The following FAM98B variants were observed in gnomAD, a reference collection of about 807,000 sequenced individuals.
FAM98B encodes tRNA-splicing ligase complex subunit FAM98B.
In FAM98B, 32 loss-of-function variants were observed where a neutral mutation model predicts 43.9. The ratio of observed to expected loss-of-function variants is 0.73; its 90% CI spans 0.55 to 0.98. The LOEUF is 0.98. Ranked by LOEUF, FAM98B falls within the 50% of genes least tolerant of loss-of-function variation. The pLI, the probability that FAM98B is intolerant of heterozygous loss-of-function variation, is 0.00. For missense variants in FAM98B, 514 were observed against 522.9 expected (o/e 0.98, Z 0.17); for synonymous variants, 190 against 174.0 (o/e 1.09, Z -0.72).
intron 6 of FAM98B, among the ~76,000 whole-genome samples, chr15:38,476,703 C>CTT (rs375386545): frequency 0.012 from 1,591 of 127,798 alleles, 18 homozygotes; most frequent in Non-Finnish European, 0.02. Flanking sequence ...AGAAACTTTG[C>CTT]TTTTTTTTTT....
intron 3 of FAM98B, among the ~76,000 whole-genome samples, chr15:38,466,264 T>C (rs538378262): frequency 1.3e-5 from 2 of 151,908 alleles, no homozygotes; most frequent in African/African-American, 4.8e-5. Flanking sequence ...CTTGTGTGTG[T>C]TGAGTGGGGA....
intron 3 of FAM98B, among the ~76,000 whole-genome samples, chr15:38,467,637 T>C (rs1375240939): frequency 6.6e-6 from 1 of 152,196 alleles, no homozygotes; most frequent in Non-Finnish European, 1.5e-5. Flanking sequence ...TTGGCAATTC[T>C]TTTGACTTGG....
At chr15:38,463,622 G>C (rs1199717899) in intron 1 of FAM98B, among the ~76,000 whole-genome samples, 1 of 151,908 alleles carries the variant, frequency 6.6e-6, no homozygotes, top group Non-Finnish European at 1.5e-5. Context: ...TTTGTAATTT[G>C]TGTCTGTGCT....
intron 2 of FAM98B, 32 bp from the exon 3 acceptor site, chr15:38,465,237 A>G (rs1302153458): frequency 1.3e-6 from 2 of 1,586,410 alleles, no homozygotes; most frequent in Non-Finnish European, 1.7e-6. Context: ...GTAAATGCTC[A>G]GTAAATGTTT....
At chr15:38,482,122 A>C (rs949796869) in intron 7 of FAM98B, 2 of 152,996 alleles carry the variant, frequency 1.3e-5, no homozygotes, top group Non-Finnish European at 2.9e-5. Context: ...AAAAATCAGA[A>C]ATAAGGGATT....
chr15:38,474,315 A>G lies in FAM98B; in HGVS notation c.729+17A>G, dbSNP rs746414936. ...AGAGCAAAGGTAAGGCTGTTTTCCC[A>G]TATGTGTCCTGTAGGTGGTAGCCTA... On this transcript the variant is annotated intron_variant, in intron 6 of 7. Transcript: ENST00000397609. The G allele has an allele frequency of 4.0e-5, 63 of 1,560,144 alleles. No homozygotes were observed. Among genetic ancestry groups the G allele is most frequent in the Middle Eastern group, 3.4e-4 (2 of 5,962 alleles).
intron 6 of FAM98B, among the ~76,000 whole-genome samples, chr15:38,477,928 A>C (rs1473715406): frequency 6.6e-6 from 1 of 152,246 alleles, no homozygotes; most frequent in Non-Finnish European, 1.5e-5. Context: ...ATGTGTGGGA[A>C]GCACCAGCAT....
At position 38,486,309 on chromosome 15, in the gene FAM98B, A is replaced by T. The variant is rs1280544664; in HGVS notation, c.*1650A>T. Reference sequence around the variant, plus strand: ...TTTCCATAATTAAGAAAATACCTTTATCAGTAGCTATGAACTCTGAAAAAT... The same window carrying T: ...TTTCCATAATTAAGAAAATACCTTTTTCAGTAGCTATGAACTCTGAAAAAT... On this transcript the variant is annotated 3_prime_UTR_variant, in exon 8 of 8. Coordinates refer to ENST00000397609, the MANE Select transcript of FAM98B (RefSeq NM_173611.4). The T allele has an allele frequency of 6.6e-6, 1 of 152,174 alleles. No individual in the cohort carries two copies. Among genetic ancestry groups the T allele is most frequent in the Non-Finnish European group, 1.5e-5 (1 of 67,990 alleles). The allele number at this position is 152,174 out of a possible 1,614,324, so 9.4% of individuals were successfully genotyped here.
chr15:38,469,140 G>A (rs556403007), intron 3 of FAM98B, among the ~76,000 whole-genome samples: 51 of 152,078 alleles, frequency 3.4e-4, no homozygotes, highest in African/African-American at 1.2e-3. Flanking sequence ...TTCTGACCTC[G>A]GGTAATCTGC....
At chr15:38,463,822 A>G (rs1018311670) in intron 1 of FAM98B, among the ~76,000 whole-genome samples, 5 of 152,208 alleles carry the variant, frequency 3.3e-5, no homozygotes, top group Admixed American at 6.5e-5. Flanking sequence ...TTAGAAGGCC[A>G]TGTAGTCATC....
At chr15:38,460,075 A>G (rs1048094679) in intron 1 of FAM98B, among the ~76,000 whole-genome samples, 1 of 152,202 alleles carries the variant, frequency 6.6e-6, no homozygotes, top group East Asian at 1.9e-4. Flanking sequence ...GCCCTAATGG[A>G]CTGAAGATTT....
intron 7 of FAM98B, chr15:38,481,781 A>C: frequency 1.6e-6 from 1 of 637,356 alleles, no homozygotes; most frequent in Non-Finnish European, 2.5e-6. Context: ...TGTTTCAAGT[A>C]CTGACAGATT....
Position 38,454,134 on chromosome 15 carries a change from G to A in FAM98B, c.-28G>A, listed in dbSNP as rs752552469. 1.3e-6 allele frequency: 2 copies of A among 1,579,926 alleles called. No homozygotes were observed. The highest frequency in any genetic ancestry group is 8.6e-7 in the Non-Finnish European group (1 of 1,163,710). Reference sequence around the variant, plus strand: ...GCTAGTTTCCGGCGGGCTACTTAGAGCGCCGAACAGCTCTGGGCCAAAGGA... The same window carrying A: ...GCTAGTTTCCGGCGGGCTACTTAGAACGCCGAACAGCTCTGGGCCAAAGGA... On this transcript the variant is annotated 5_prime_UTR_variant, in exon 1 of 8. Coordinates refer to ENST00000397609, the MANE Select transcript of FAM98B (RefSeq NM_173611.4).
chr15:38,465,744 T>C (rs1442100898), intron 3 of FAM98B, among the ~76,000 whole-genome samples: 1 of 152,178 alleles, frequency 6.6e-6, no homozygotes, highest in African/African-American at 2.4e-5. Context: ...CTAAAAACTC[T>C]CTGAAACTAG....
At chr15:38,470,913 A>C (rs1890121987) in intron 4 of FAM98B, among the ~76,000 whole-genome samples, 4 of 152,048 alleles carry the variant, frequency 2.6e-5, no homozygotes, top group Admixed American at 2.6e-4. Flanking sequence ...GGGGTAGTTA[A>C]AAACAACTAC....
chr15:38,458,923 G>T (rs75734485), intron 1 of FAM98B: 1 of 430,802 alleles, frequency 2.3e-6, no homozygotes, highest in South Asian at 2.0e-5. Context: ...CCAGGATGAG[G>T]GTTTTCCTCA....
chr15:38,476,429 C>T (rs541516657), intron 6 of FAM98B, among the ~76,000 whole-genome samples: 21 of 150,416 alleles, frequency 1.4e-4, no homozygotes, highest in African/African-American at 4.9e-4. Flanking sequence ...TCCTTTATTA[C>T]TTTTTCCCTT....
At chr15:38,478,649 T>C (rs1243152903) in intron 6 of FAM98B, among the ~76,000 whole-genome samples, 1 of 152,160 alleles carries the variant, frequency 6.6e-6, no homozygotes, top group Non-Finnish European at 1.5e-5. Flanking sequence ...CCTTGACAGC[T>C]AAATTTTTGT....
intron 1 of FAM98B, among the ~76,000 whole-genome samples, chr15:38,457,463 G>A (rs1889866004): frequency 6.6e-6 from 1 of 152,176 alleles, no homozygotes; most frequent in Non-Finnish European, 1.5e-5. Context: ...AGGTAATGAT[G>A]ATATCAAAGA....
Sources: gnomAD v4.1 joint callset for allele counts (sites outside exome capture counted in the v4.1 genomes callset) on GRCh38, gnomAD v4.1.1 for gene constraint, MANE v1.5 for transcripts, NCBI Gene and HGNC (gene_info 2026-07-23, HGNC 2026-07-21) for gene names.